Variants in ZNF578 observed in about 807,000 individuals in gnomAD.
ZNF578 encodes Putative chemokine-related protein B42.
ZNF578 carries 8 observed loss-of-function variants against 8.3 expected under a neutral mutation model. The observed-to-expected ratio is 0.96, with a 90% CI of 0.56 to 1.74. ZNF578 has a LOEUF of 1.74. Among genes scored for constraint, ZNF578 ranks in the 40% most tolerant of loss-of-function variants. The pLI is 0.00. For missense variants in ZNF578, 726 were observed against 707.5 expected (o/e 1.03, Z -0.30); for synonymous variants, 206 against 232.2 (o/e 0.89, Z 1.03).
intron 2 of ZNF578, among the ~76,000 whole-genome samples, chr19:52,477,675 G>A (rs1599890686): frequency 6.9e-6 from 1 of 144,818 alleles, no homozygotes; most frequent in Non-Finnish European, 1.5e-5. Flanking sequence ...GCCATTTCTT[G>A]TGCTAACATT....
intron 5 of ZNF578, among the ~76,000 whole-genome samples, chr19:52,506,154 AT>A (rs1264718125): frequency 6.6e-6 from 1 of 151,908 alleles, no homozygotes. Context: ...CTTGCCTCGG[AT>A]TCCAAACTGC....
chr19:52,493,761 C>T (rs1307728965), intron 3 of ZNF578, among the ~76,000 whole-genome samples: 3 of 151,864 alleles, frequency 2.0e-5, no homozygotes, highest in Admixed American at 6.6e-5. Context: ...GAGGCTGAAG[C>T]GGGCAGATCA....
intron 2 of ZNF578, among the ~76,000 whole-genome samples, chr19:52,460,202 C>T (rs909662528): frequency 3.9e-5 from 6 of 152,052 alleles, no homozygotes; most frequent in African/African-American, 1.4e-4. Context: ...TATGGTAGTA[C>T]TGTTTTTAAT....
At chr19:52,503,789 C>G (rs1018406503) in intron 4 of ZNF578, among the ~76,000 whole-genome samples, 1 of 147,776 alleles carries the variant, frequency 6.8e-6, no homozygotes, top group East Asian at 1.9e-4. Context: ...GTAGAGAAAA[C>G]CCTGTGTTTG....
At chr19:52,481,385 T>A (rs1349294199) in intron 2 of ZNF578, among the ~76,000 whole-genome samples, 1 of 152,156 alleles carries the variant, frequency 6.6e-6, no homozygotes, top group East Asian at 1.9e-4. Flanking sequence ...GAAGAAGTGG[T>A]CAGGGGACTC....
Position 52,512,029 on chromosome 19 carries a change from T to C in ZNF578, c.1648T>C (p.Cys550Arg). ...TAAGGTTTGTGACAAGGCTTTCATG[T>C]GCCATTCTTATCTGGCAAACCATAC... ...KCKVCDKAFM[C>R]HSYLANHTRI... The change falls in exon 6 of 6, where the codon TGC becomes CGC. Residue 550 changes from cysteine to arginine, a missense_variant. Cys to Arg is a radical substitution (Grantham distance 180). Coordinates refer to ENST00000421239, the MANE Select transcript of ZNF578 (RefSeq NM_001099694.2). 6.2e-7 allele frequency: 1 copy of C among 1,613,826 alleles called. No homozygotes were observed. The highest frequency in any genetic ancestry group is 1.1e-5 in the South Asian group (1 of 91,060).
chr19:52,495,001 G>GT (rs151328567), intron 3 of ZNF578, among the ~76,000 whole-genome samples: 28,701 of 147,714 alleles, frequency 0.19, 2,573 homozygotes, highest in Non-Finnish European at 0.22. Context: ...CCAGCTAGTT[G>GT]TTTTTTTTTT....
intron 4 of ZNF578, among the ~76,000 whole-genome samples, chr19:52,503,951 C>A (rs1347457640): frequency 5.3e-5 from 8 of 151,964 alleles, no homozygotes; most frequent in African/African-American, 1.9e-4. Flanking sequence ...GTCCACACCA[C>A]GACACCCAGC....
At chr19:52,509,076 G>A (rs1437657841) in intron 5 of ZNF578, among the ~76,000 whole-genome samples, 1 of 151,638 alleles carries the variant, frequency 6.6e-6, no homozygotes, top group Non-Finnish European at 1.5e-5. Flanking sequence ...TGATGTTTTG[G>A]TGTTCTTAGT....
chr19:52,466,119 T>G (rs1168928086), intron 2 of ZNF578, among the ~76,000 whole-genome samples: 1 of 152,216 alleles, frequency 6.6e-6, no homozygotes, highest in Non-Finnish European at 1.5e-5. Flanking sequence ...AAGCAGATGT[T>G]GAGGGGTGAA....
At chr19:52,464,891 A>G (rs1022337607) in intron 2 of ZNF578, among the ~76,000 whole-genome samples, 3 of 152,214 alleles carry the variant, frequency 2.0e-5, no homozygotes, top group Admixed American at 2.0e-4. Context: ...GTAAAAAAGC[A>G]GTCTTTTTAA....
intron 2 of ZNF578, chr19:52,474,241 C>G (rs2059301107): frequency 3.3e-6 from 1 of 303,520 alleles, no homozygotes; most frequent in African/African-American, 2.2e-5. Flanking sequence ...ATTTGTAACA[C>G]TTCTCTCCAG....
At chr19:52,502,312 A>T (rs563283470) in intron 4 of ZNF578, among the ~76,000 whole-genome samples, 11 of 152,224 alleles carry the variant, frequency 7.2e-5, no homozygotes, top group African/African-American at 2.7e-4. Context: ...TAATGTGCCC[A>T]GGTATGTGGC....
chr19:52,516,413 C>T lies in ZNF578; in HGVS notation c.*4259C>T, dbSNP rs1242399060. ...TCTCCAGAAGGGGAGCCAGAGTTTC[C>T]CTGTAGGAGTTTATCCTCCATGGTG... is the stretch of plus-strand genomic sequence containing the variant. On this transcript the variant is annotated 3_prime_UTR_variant, in exon 6 of 6. Coordinates refer to ENST00000421239, the MANE Select transcript of ZNF578 (RefSeq NM_001099694.2). Among the ~76,000 whole-genome samples, 1 of 152,166 alleles carries T rather than the reference C, an allele frequency of 6.6e-6. No individual in the cohort carries two copies. The highest frequency in any genetic ancestry group is 1.5e-5 in the Non-Finnish European group (1 of 68,032).
intron 2 of ZNF578, among the ~76,000 whole-genome samples, chr19:52,484,211 T>C (rs1319534642): frequency 6.6e-6 from 1 of 152,234 alleles, no homozygotes; most frequent in Non-Finnish European, 1.5e-5. Context: ...GCAGTATTGC[T>C]GCCAGCATGT....
rs1417998672 is a variant in ZNF578 at position 52,511,405 on chromosome 19, C to A, written c.1024C>A (p.Pro342Thr). The A allele has an allele frequency of 6.2e-7, 1 of 1,614,000 alleles. No individual in the cohort carries two copies. Among genetic ancestry groups the A allele is most frequent in the Non-Finnish European group, 8.5e-7 (1 of 1,179,996 alleles). Residue 342 changes from proline (P) to threonine (T), a missense_variant, in exon 6 of 6, where the codon CCT (proline) becomes ACT (threonine). Physicochemically the swap from Pro to Thr is conservative, Grantham distance 38. Transcript: ENST00000421239. ...CHHRCHTGEKPYKCNECGKSF... is the reference protein window; with the variant it reads ...CHHRCHTGEKTYKCNECGKSF... ...TCATAGGTGTCACACTGGTGAGAAA[C>A]CTTACAAGTGTAATGAATGTGGAAA...
rs893663907 is a variant in ZNF578, at chr19:52,511,448, C to T, written c.1067C>T (p.Ser356Leu). ...NECGKSFSYK[S>L]SLRCHRRLHT... is the part of the protein sequence containing the mutation. ...TGTGGAAAGTCCTTCAGTTACAAGT[C>T]ATCCCTTAGATGCCATCGTAGACTT... Residue 356 changes from serine to leucine, a missense_variant, in exon 6 of 6, where the codon TCA becomes TTA. Transcript: ENST00000421239. The T allele has an allele frequency of 6.2e-6, 10 of 1,614,100 alleles. No homozygotes were observed. In the African/African-American group the frequency reaches 1.2e-4, roughly 19 times the overall value.
chr19:52,501,367 A>T (rs537955331), intron 3 of ZNF578, among the ~76,000 whole-genome samples: 1 of 152,230 alleles, frequency 6.6e-6, no homozygotes, highest in East Asian at 1.9e-4. Context: ...TTTAGCAGGG[A>T]TTCTTATTCT....
chr19:52,488,503 G>A (rs1437714146), intron 2 of ZNF578, among the ~76,000 whole-genome samples: 2 of 151,920 alleles, frequency 1.3e-5, no homozygotes, highest in African/African-American at 2.4e-5. Context: ...CAGCTACTCA[G>A]GAGGCTGAGG....
Sources: gnomAD v4.1 joint callset for allele counts (sites outside exome capture counted in the v4.1 genomes callset) on GRCh38, gnomAD v4.1.1 for gene constraint, MANE v1.5 for transcripts, NCBI Gene and HGNC (gene_info 2026-07-23, HGNC 2026-07-21) for gene names.